Variants in VTI1A observed in about 807,000 individuals in gnomAD.
VTI1A encodes the protein vesicle transport through interaction with t-SNAREs 1A.
In VTI1A, 22 loss-of-function variants were observed where a neutral mutation model predicts 34.9. That is an observed-to-expected ratio of 0.63 (90% CI 0.45 to 0.90). The LOEUF (loss-of-function observed/expected upper bound fraction) is 0.90. Among genes scored for constraint, VTI1A ranks in the 40% least tolerant of loss-of-function variants. The probability of loss-of-function intolerance (pLI) is 0.00; values close to 1 mark genes in which losing one functional copy is unlikely to be tolerated. For missense variants in VTI1A, 268 were observed against 275.6 expected (o/e 0.97, Z 0.20); for synonymous variants, 87 against 97.3 (o/e 0.89, Z 0.62).
intron 5 of VTI1A, among the ~76,000 whole-genome samples, chr10:112,576,019 C>CTTTTCT (rs1843694637): frequency 7.6e-6 from 1 of 131,292 alleles, no homozygotes; most frequent in African/African-American, 2.8e-5. Context: ...CTTTTCTTTT[C>CTTTTCT]TTTTTTTTTT....
At chr10:112,548,771 C>T (rs895662654) in intron 5 of VTI1A, 17 of 1,479,328 alleles carry the variant, frequency 1.1e-5, no homozygotes, top group South Asian at 4.8e-5. Flanking sequence ...GAGAAGCTCT[C>T]GACACACATG....
At chr10:112,768,363 G>T (rs961841868) in intron 7 of VTI1A, among the ~76,000 whole-genome samples, 3 of 152,166 alleles carry the variant, frequency 2.0e-5, no homozygotes, top group Non-Finnish European at 2.9e-5. Context: ...CTGGAAGAAA[G>T]CATAAGACCA....
intron 7 of VTI1A, among the ~76,000 whole-genome samples, chr10:112,794,671 A>G (rs577624357): frequency 2.0e-5 from 3 of 152,340 alleles, no homozygotes; most frequent in South Asian, 4.1e-4. Flanking sequence ...TTACATTTAT[A>G]TATGTAGTTT....
intron 7 of VTI1A, among the ~76,000 whole-genome samples, chr10:112,808,268 G>T (rs940573645): frequency 1.6e-4 from 24 of 152,036 alleles, no homozygotes; most frequent in African/African-American, 5.5e-4. Flanking sequence ...ATCACATTCT[G>T]AGGTTCCAGG....
At chr10:112,634,003 C>G (rs936078415) in intron 5 of VTI1A, among the ~76,000 whole-genome samples, 1 of 152,110 alleles carries the variant, frequency 6.6e-6, no homozygotes, top group African/African-American at 2.4e-5. Context: ...ACACCTTTTT[C>G]CCAGAGTAAT....
At chr10:112,712,345 A>G (rs1849448302) in intron 7 of VTI1A, among the ~76,000 whole-genome samples, 3 of 152,158 alleles carry the variant, frequency 2.0e-5, no homozygotes, top group Admixed American at 2.0e-4. Context: ...CTGTGGAGGT[A>G]TGAAAAGCAA....
At chr10:112,561,713 G>A (rs1432391670) in intron 5 of VTI1A, among the ~76,000 whole-genome samples, 1 of 151,688 alleles carries the variant, frequency 6.6e-6, no homozygotes, top group African/African-American at 2.4e-5. Context: ...GAATAATATA[G>A]GAACTCATAC....
At chr10:112,572,214 G>A (rs999106566) in intron 5 of VTI1A, among the ~76,000 whole-genome samples, 5 of 152,218 alleles carry the variant, frequency 3.3e-5, no homozygotes, top group African/African-American at 1.2e-4. Flanking sequence ...TTTGCTAGCT[G>A]TGTGACTTTG....
At chr10:112,457,699 A>G (rs1352177105) in intron 1 of VTI1A, among the ~76,000 whole-genome samples, 1 of 152,154 alleles carries the variant, frequency 6.6e-6, no homozygotes, top group Non-Finnish European at 1.5e-5. Context: ...AATGGATGAA[A>G]TTGCCCAGGG....
At chr10:112,588,808 CCATGCACGT>C (rs1360285498) in intron 5 of VTI1A, among the ~76,000 whole-genome samples, 2 of 152,164 alleles carry the variant, frequency 1.3e-5, no homozygotes, top group African/African-American at 2.4e-5. Flanking sequence ...GCATTAACTT[CCATGCACGT>C]CATCACTGTG....
intron 3 of VTI1A, among the ~76,000 whole-genome samples, chr10:112,491,702 T>A (rs1353030078): frequency 6.6e-6 from 1 of 152,102 alleles, no homozygotes; most frequent in East Asian, 1.9e-4. Flanking sequence ...GTCTTCAGAG[T>A]CCAATATATG....
At chr10:112,844,108 A>G in the VTI1A span, among the ~76,000 whole-genome samples, 3 of 152,102 alleles carry the variant, frequency 2.0e-5, no homozygotes, top group Admixed American at 6.5e-5. Flanking sequence ...AAAAAAAGGG[A>G]AAAGGGTCTG....
chr10:112,452,810 G>A (rs759762561), intron 1 of VTI1A, among the ~76,000 whole-genome samples: 4 of 151,128 alleles, frequency 2.6e-5, no homozygotes, highest in African/African-American at 7.3e-5. Context: ...AAGATAGTAC[G>A]GAGAATCCCA....
intron 3 of VTI1A, among the ~76,000 whole-genome samples, chr10:112,474,045 A>G (rs896972614): frequency 6.6e-6 from 1 of 151,974 alleles, no homozygotes; most frequent in African/African-American, 2.4e-5. Context: ...TATTTCTTTT[A>G]GTTATTTGGA....
At chr10:112,636,512 T>C (rs376829568) in intron 5 of VTI1A, among the ~76,000 whole-genome samples, 5 of 151,784 alleles carry the variant, frequency 3.3e-5, no homozygotes, top group African/African-American at 1.2e-4. Flanking sequence ...GATCACAAGG[T>C]CAAGAGATCG....
intron 5 of VTI1A, among the ~76,000 whole-genome samples, chr10:112,540,628 T>C (rs932316699): frequency 6.6e-6 from 1 of 152,234 alleles, no homozygotes; most frequent in Non-Finnish European, 1.5e-5. Context: ...TGCTACTTAC[T>C]GAAGTAATGT....
intron 7 of VTI1A, among the ~76,000 whole-genome samples, chr10:112,784,147 A>T (rs74531520): frequency 6.6e-6 from 1 of 152,162 alleles, no homozygotes; most frequent in African/African-American, 2.4e-5. Flanking sequence ...AACTTAACGC[A>T]TGTCTGCCTT....
At chr10:112,737,947 G>A in intron 7 of VTI1A, 1 of 974,358 alleles carries the variant, frequency 1.0e-6, no homozygotes, top group Non-Finnish European at 1.2e-6. Context: ...GGCACATTTA[G>A]GCGGGGATGC....
intron 3 of VTI1A, among the ~76,000 whole-genome samples, chr10:112,521,234 G>A (rs2134207704): frequency 6.6e-6 from 1 of 152,060 alleles, no homozygotes; most frequent in Admixed American, 6.6e-5. Context: ...TTAAAGAAAT[G>A]CAGTAAAATT....
Sources: gnomAD v4.1 joint callset for allele counts (sites outside exome capture counted in the v4.1 genomes callset) on GRCh38, gnomAD v4.1.1 for gene constraint, MANE v1.5 for transcripts, NCBI Gene and HGNC (gene_info 2026-07-23, HGNC 2026-07-21) for gene names.